PTPRG: variants seen among roughly 807,000 people sequenced by gnomAD.
The protein encoded by PTPRG is protein tyrosine phosphatase receptor type G, also known as receptor-type tyrosine-protein phosphatase gamma.
Under a neutral mutation model 165.3 loss-of-function variants are expected in PTPRG, and 102 were observed. That is an observed-to-expected ratio of 0.62 (90% CI 0.53 to 0.73). The LOEUF is 0.73. PTPRG is among the 30% of genes least tolerant of loss of function. The pLI is 0.00. For missense variants in PTPRG, 1,866 were observed against 1,861.4 expected (o/e 1.00, Z -0.05); for synonymous variants, 675 against 669.5 (o/e 1.01, Z -0.13).
intron 1 of PTPRG, among the ~76,000 whole-genome samples, chr3:61,700,030 C>T (rs1303472396): frequency 1.3e-5 from 2 of 152,010 alleles, no homozygotes; most frequent in African/African-American, 2.4e-5. Context: ...ATTCTGGGTT[C>T]TTGGCAGTGG....
intron 1 of PTPRG, among the ~76,000 whole-genome samples, chr3:61,712,684 T>C (rs2031624548): frequency 6.6e-6 from 1 of 152,238 alleles, no homozygotes; most frequent in Non-Finnish European, 1.5e-5. Context: ...CGTGCGGTAC[T>C]GAGTCAATTA....
At position 62,195,601 on chromosome 3, in the gene PTPRG, A is replaced by C. The variant is rs537601497; in HGVS notation, c.1327+431A>C. Reference sequence around the variant, plus strand: ...ACCCTTCCGACTTGCAAGCCACACAAACAAGCGCCTGCATGCAGGATCCTT... The same window carrying C: ...ACCCTTCCGACTTGCAAGCCACACACACAAGCGCCTGCATGCAGGATCCTT... On this transcript the variant is annotated intron_variant, in intron 10 of 29. Transcript: ENST00000474889. This position sits in a 1 kb window ranked among gnomAD's most constrained non-coding sequence, Gnocchi z 4.4. Among the ~76,000 whole-genome samples, 2 of 152,128 alleles carry C rather than the reference A, an allele frequency of 1.3e-5. No individual in the cohort carries two copies. The highest frequency in any genetic ancestry group is 3.9e-4 in the East Asian group (2 of 5,146).
chr3:62,186,715 G>T (rs7613248), intron 8 of PTPRG, among the ~76,000 whole-genome samples: 2 of 151,790 alleles, frequency 1.3e-5, no homozygotes, highest in Admixed American at 6.6e-5. Flanking sequence ...ATAGGTGTGC[G>T]CCACCACACC....
intron 2 of PTPRG, among the ~76,000 whole-genome samples, chr3:61,892,470 C>T (rs1289901138): frequency 1.3e-5 from 2 of 152,166 alleles, no homozygotes; most frequent in African/African-American, 4.8e-5. Context: ...TCACTTCAGC[C>T]TCCCAAAGCG....
intron 1 of PTPRG, among the ~76,000 whole-genome samples, chr3:61,672,914 C>T (rs1264003669): frequency 1.3e-5 from 2 of 152,028 alleles, no homozygotes; most frequent in African/African-American, 4.8e-5. Context: ...AATCCTAGCA[C>T]CTTGGGAGGC....
intron 28 of PTPRG, among the ~76,000 whole-genome samples, chr3:62,283,335 GTT>G (rs1702522067): frequency 6.6e-6 from 1 of 152,098 alleles, no homozygotes; most frequent in African/African-American, 2.4e-5. Flanking sequence ...TTCATGATGT[GTT>G]TTAAAGTCTT....
At chr3:62,076,557 C>T (rs1013719210) in intron 4 of PTPRG, among the ~76,000 whole-genome samples, 1 of 150,760 alleles carries the variant, frequency 6.6e-6, no homozygotes. Flanking sequence ...TGGGGATACC[C>T]AATGGTTCAT....
chr3:61,925,600 G>A (rs1289930420), intron 2 of PTPRG, among the ~76,000 whole-genome samples: 2 of 152,098 alleles, frequency 1.3e-5, no homozygotes, highest in East Asian at 1.9e-4. Flanking sequence ...AAAATTAGCC[G>A]GGCCTGGTGG....
Position 62,219,133 on chromosome 3 carries a change from C to G in PTPRG, c.2288+150C>G. On this transcript the variant is annotated intron_variant, in intron 13 of 29. Coordinates refer to ENST00000474889, the MANE Select transcript of PTPRG (RefSeq NM_002841.4). This position sits in a 1 kb window ranked among gnomAD's most constrained non-coding sequence, Gnocchi z 4.5. ...TGCCACCCGGAAGGCCATCTTGTCT[C>G]TGTTAGATGATGGCAGGGCCAGATC... The G allele has an allele frequency of 2.8e-6, 3 of 1,083,276 alleles. No homozygotes were observed. Among genetic ancestry groups the G allele is most frequent in the Non-Finnish European group, 4.0e-6 (3 of 758,690 alleles). The allele number at this position is 1,083,276 out of a possible 1,614,324, so 67.1% of individuals were successfully genotyped here.
At chr3:61,762,168 G>A (rs1363885057) in intron 2 of PTPRG, among the ~76,000 whole-genome samples, 1 of 152,056 alleles carries the variant, frequency 6.6e-6, no homozygotes, top group East Asian at 1.9e-4. Context: ...CTCCTCTTGG[G>A]GAGTGATTTT....
At chr3:62,124,668 C>G in intron 5 of PTPRG, 1 of 710,026 alleles carries the variant, frequency 1.4e-6, no homozygotes, top group Admixed American at 2.5e-5. Flanking sequence ...CTCAGGCCAC[C>G]GCTGCCGCCT....
intron 2 of PTPRG, among the ~76,000 whole-genome samples, chr3:61,896,207 ACCTCCTC>A (rs1267053075): frequency 1.3e-5 from 2 of 151,826 alleles, no homozygotes; most frequent in African/African-American, 4.8e-5. Flanking sequence ...AACCACGCCT[ACCTCCTC>A]CCTCCTCCCA....
chr3:62,116,139 G>C (rs1315704330), intron 5 of PTPRG, among the ~76,000 whole-genome samples: 1 of 152,134 alleles, frequency 6.6e-6, no homozygotes, highest in East Asian at 1.9e-4. Flanking sequence ...GCTAACCAGA[G>C]CCCAGAACCC....
At chr3:62,288,581 G>A (rs1433134130) in intron 28 of PTPRG, among the ~76,000 whole-genome samples, 5 of 151,698 alleles carry the variant, frequency 3.3e-5, no homozygotes, top group Non-Finnish European at 7.4e-5. Flanking sequence ...GCTGAGGCAG[G>A]AGAATCGTTT....
intron 3 of PTPRG, 39 bp from the exon 4 acceptor site, chr3:62,003,310 C>A: frequency 1.9e-6 from 3 of 1,582,570 alleles, no homozygotes; most frequent in Non-Finnish European, 2.6e-6. Context: ...GGTTTTGAAA[C>A]TCACTTTGTT....
chr3:61,690,247 G>A (rs899376853), intron 1 of PTPRG, among the ~76,000 whole-genome samples: 4 of 152,174 alleles, frequency 2.6e-5, no homozygotes, highest in African/African-American at 7.2e-5. Context: ...GAAATGCAGA[G>A]GCCTCCTGGT....
Position 61,808,877 on chromosome 3 carries a change from A to G in PTPRG, c.190+59895A>G, listed in dbSNP as rs369583072. Among the ~76,000 whole-genome samples the G allele has an allele frequency of 9.2e-5, 14 of 151,460 alleles. No homozygotes were observed. In the South Asian group the frequency reaches 2.7e-3, roughly 30 times the overall value. Reference sequence around the variant, plus strand: ...TTGATCCAAGTGCTTTAAAGTTTAGACCTTTTGTATCTTTGTTGATAAAAA... The same window carrying G: ...TTGATCCAAGTGCTTTAAAGTTTAGGCCTTTTGTATCTTTGTTGATAAAAA... On this transcript the variant is annotated intron_variant, in intron 2 of 29. Transcript: ENST00000474889.
chr3:62,279,891 G>C (rs902668199), intron 26 of PTPRG, among the ~76,000 whole-genome samples: 8 of 151,992 alleles, frequency 5.3e-5, no homozygotes, highest in Middle Eastern at 3.2e-3. Context: ...GAAAATGCCC[G>C]TAGAAACCTA....
At chr3:62,125,628 CA>C (rs1455636258) in intron 5 of PTPRG, among the ~76,000 whole-genome samples, 1 of 151,598 alleles carries the variant, frequency 6.6e-6, no homozygotes, top group Non-Finnish European at 1.5e-5. Flanking sequence ...GTAGGCAAGT[CA>C]CTGAACCTGA....
Sources: allele counts gnomAD v4.1 joint callset (sites outside exome capture counted in the v4.1 genomes callset), GRCh38; gene constraint gnomAD v4.1.1; non-coding constraint Gnocchi (gnomAD v3.1); transcripts MANE v1.5; gene names NCBI Gene and HGNC (gene_info 2026-07-23, HGNC 2026-07-21).